Variants in CSPP1 observed in about 807,000 individuals in gnomAD.
The protein encoded by CSPP1 is centrosome and spindle pole-associated protein 1.
CSPP1 carries 126 observed loss-of-function variants against 164.4 expected under a neutral mutation model. The observed-to-expected ratio is 0.77, with a 90% confidence interval of 0.66 to 0.89. The LOEUF (loss-of-function observed/expected upper bound fraction) is 0.89. Ranked by LOEUF, CSPP1 falls within the 40% of genes least tolerant of loss-of-function variation. The pLI is 0.00. For synonymous variants in CSPP1, 472 were observed against 476.7 expected (o/e 0.99, Z 0.13); for missense variants, 1,395 against 1,449.8 (o/e 0.96, Z 0.61).
chr8:67,080,480 G>A (rs966445353), intron 3 of CSPP1, among the ~76,000 whole-genome samples: 3 of 152,150 alleles, frequency 2.0e-5, no homozygotes, highest in African/African-American at 4.8e-5. Flanking sequence ...TTGAGGTAGC[G>A]TTACAGTGAC....
At chr8:67,192,676 A>G (rs1422909499) in intron 29 of CSPP1, among the ~76,000 whole-genome samples, 1 of 152,082 alleles carries the variant, frequency 6.6e-6, no homozygotes, top group Non-Finnish European at 1.5e-5. Context: ...GATACACTTT[A>G]ATTTTTGCAC....
intron 3 of CSPP1, chr8:67,083,548 A>AAAAAAAATATATAT (rs1332248754): frequency 2.2e-5 from 2 of 91,484 alleles, no homozygotes; most frequent in African/African-American, 8.9e-5. Context: ...AAAAAAAAAA[A>AAAAAAAATATATAT]ATATATATAT....
intron 2 of CSPP1, chr8:67,074,786 C>CAT: frequency 3.7e-6 from 1 of 271,052 alleles, no homozygotes; most frequent in Non-Finnish European, 7.0e-6. Context: ...AAAATAATTG[C>CAT]TTTTTTTTTT....
At chr8:67,163,509 G>A (rs987224268) in intron 22 of CSPP1, among the ~76,000 whole-genome samples, 3 of 152,042 alleles carry the variant, frequency 2.0e-5, no homozygotes, top group African/African-American at 4.8e-5. Flanking sequence ...CACTTCCATC[G>A]TGATGAGAAG....
At chr8:67,167,920 T>C (rs13249063) in intron 24 of CSPP1, among the ~76,000 whole-genome samples, 4 of 151,862 alleles carry the variant, frequency 2.6e-5, no homozygotes, top group African/African-American at 9.7e-5. Context: ...GCTGCAATCT[T>C]GGCACTTTGG....
At chr8:67,182,620 C>A (rs989038698) in intron 28 of CSPP1, among the ~76,000 whole-genome samples, 4 of 152,214 alleles carry the variant, frequency 2.6e-5, no homozygotes, top group African/African-American at 9.6e-5. Flanking sequence ...CACAAAAGTT[C>A]CGATTTCTCT....
chr8:67,082,046 T>C (rs923527763), intron 3 of CSPP1, among the ~76,000 whole-genome samples: 10 of 152,182 alleles, frequency 6.6e-5, no homozygotes, highest in Admixed American at 3.9e-4. Flanking sequence ...TGTCTAGTTG[T>C]AGTTTTAATT....
intron 7 of CSPP1, among the ~76,000 whole-genome samples, chr8:67,097,554 T>C (rs117757517): frequency 6.6e-6 from 1 of 152,146 alleles, no homozygotes; most frequent in Non-Finnish European, 1.5e-5. Flanking sequence ...CTGCAAGTAA[T>C]CTTTGACTCT....
chr8:67,065,442 A>AGGG (rs2129538698), intron 1 of CSPP1: 1 of 652,762 alleles, frequency 1.5e-6, no homozygotes, highest in East Asian at 1.4e-4. Context: ...GGGGCTTAAA[A>AGGG]GCAACCGATA....
At chr8:67,076,638 A>T in intron 3 of CSPP1, 57 bp downstream of exon 3, 4 of 960,506 alleles carry the variant, frequency 4.2e-6, no homozygotes, top group Non-Finnish European at 6.3e-6. Context: ...GCTCTTCTGA[A>T]AGAGGTTTGT....
At chr8:67,151,849 G>A (rs1199575439) in intron 18 of CSPP1, among the ~76,000 whole-genome samples, 1 of 151,962 alleles carries the variant, frequency 6.6e-6, no homozygotes, top group Non-Finnish European at 1.5e-5. Context: ...CAGCACTTTG[G>A]GAGGCTGAGG....
At chr8:67,176,720 C>A (rs1831737519) in intron 26 of CSPP1, among the ~76,000 whole-genome samples, 1 of 152,116 alleles carries the variant, frequency 6.6e-6, no homozygotes, top group Admixed American at 6.5e-5. Flanking sequence ...GTATCTATCT[C>A]CCACAGCAGC....
In CSPP1 at chr8:67,195,910, A is replaced by G; in HGVS notation, c.*317A>G. 1 of 228,724 alleles carries G rather than the reference A, an allele frequency of 4.4e-6. No individual in the cohort carries two copies. The highest frequency in any genetic ancestry group is 5.2e-5 in the Admixed American group (1 of 19,364). The allele number at this position is 228,724 out of a possible 1,614,324, so 14.2% of individuals were successfully genotyped here. On this transcript the variant is annotated 3_prime_UTR_variant, in exon 31 of 31. Coordinates refer to ENST00000678616, the MANE Select transcript of CSPP1 (RefSeq NM_001382391.1). ...TTAAGATAAGGTGAATAAGTGTCTT[A>G]AACGTCCTGTAAAACCGGACTCCCC...
chr8:67,192,288 T>TA (rs1435334849), intron 29 of CSPP1, among the ~76,000 whole-genome samples: 1 of 152,170 alleles, frequency 6.6e-6, no homozygotes, highest in East Asian at 1.9e-4. Context: ...TTGGCCAGGC[T>TA]GGTCTTGAAC....
chr8:67,146,399 A>G (rs1359971814), intron 17 of CSPP1, among the ~76,000 whole-genome samples: 1 of 152,148 alleles, frequency 6.6e-6, no homozygotes, highest in Non-Finnish European at 1.5e-5. Flanking sequence ...TTGAGATTAC[A>G]GGCATGAGCC....
At chr8:67,145,270 T>C (rs899839035) in intron 17 of CSPP1, among the ~76,000 whole-genome samples, 2 of 152,186 alleles carry the variant, frequency 1.3e-5, no homozygotes, top group African/African-American at 4.8e-5. Flanking sequence ...ATTTCTTTTT[T>C]ATTCTAATGT....
chr8:67,117,754 G>A (rs1162917128), intron 13 of CSPP1, among the ~76,000 whole-genome samples: 1 of 152,088 alleles, frequency 6.6e-6, no homozygotes, highest in Non-Finnish European at 1.5e-5. Flanking sequence ...TGGCTTAAGC[G>A]TTGCCTCTTC....
intron 15 of CSPP1, among the ~76,000 whole-genome samples, chr8:67,127,958 T>C (rs1187564085): frequency 6.6e-6 from 1 of 152,246 alleles, no homozygotes; most frequent in Non-Finnish European, 1.5e-5. Context: ...CTCTGTTAAC[T>C]ATTTTGATGT....
intron 28 of CSPP1, among the ~76,000 whole-genome samples, chr8:67,183,039 A>G (rs145556166): frequency 7.9e-5 from 12 of 152,342 alleles, no homozygotes; most frequent in African/African-American, 2.6e-4. Flanking sequence ...CATCTAAGAC[A>G]TCGTTGCCAA....
Sources: allele counts gnomAD v4.1 joint callset (sites outside exome capture counted in the v4.1 genomes callset), GRCh38; gene constraint gnomAD v4.1.1; transcripts MANE v1.5; gene names NCBI Gene and HGNC (gene_info 2026-07-23, HGNC 2026-07-21).